ARHGAP24: variants seen among roughly 807,000 people sequenced by gnomAD.
The protein encoded by ARHGAP24 is Rho GTPase activating protein 24, also known as rho GTPase-activating protein 24.
ARHGAP24 carries 50 observed loss-of-function variants against 76.4 expected under a neutral mutation model. The ratio of observed to expected loss-of-function variants is 0.65; its 90% CI spans 0.52 to 0.83. The LOEUF (loss-of-function observed/expected upper bound fraction) is 0.83, where lower values mean the gene tolerates loss of function less well. Ranked by LOEUF, ARHGAP24 falls within the 40% of genes least tolerant of loss-of-function variation. The probability of loss-of-function intolerance (pLI) is 0.00; values close to 1 mark genes in which losing one functional copy is unlikely to be tolerated. For missense variants in ARHGAP24, 930 were observed against 914.2 expected (o/e 1.02, Z -0.22); for synonymous variants, 345 against 323.3 (o/e 1.07, Z -0.72).
At chr4:85,486,166 A>T (rs1352754941) in intron 1 of ARHGAP24, among the ~76,000 whole-genome samples, 1 of 152,190 alleles carries the variant, frequency 6.6e-6, no homozygotes, top group Admixed American at 6.5e-5. Flanking sequence ...GATAAAGTTT[A>T]GTGTGACCAT....
chr4:85,579,886 G>C (rs1176360143), intron 2 of ARHGAP24, among the ~76,000 whole-genome samples: 4 of 151,878 alleles, frequency 2.6e-5, no homozygotes, highest in Non-Finnish European at 5.9e-5. Context: ...TACACTTTTT[G>C]GTTATTATAA....
At chr4:85,791,680 G>C (rs1002124559) in intron 3 of ARHGAP24, among the ~76,000 whole-genome samples, 1 of 152,204 alleles carries the variant, frequency 6.6e-6, no homozygotes, top group African/African-American at 2.4e-5. Flanking sequence ...CACATATTGA[G>C]GTGCTTGAGT....
chr4:85,483,382 C>T (rs927665742), intron 1 of ARHGAP24, among the ~76,000 whole-genome samples: 1 of 152,048 alleles, frequency 6.6e-6, no homozygotes, highest in African/African-American at 2.4e-5. Flanking sequence ...TGCCTATAAT[C>T]CCAGCACTTT....
At chr4:85,548,145 T>G (rs1322096289) in intron 1 of ARHGAP24, among the ~76,000 whole-genome samples, 1 of 152,208 alleles carries the variant, frequency 6.6e-6, no homozygotes, top group Non-Finnish European at 1.5e-5. Flanking sequence ...TTTTTGTGCC[T>G]TTTGATACCT....
At chr4:85,531,796 A>T (rs747320559) in intron 1 of ARHGAP24, among the ~76,000 whole-genome samples, 19 of 152,094 alleles carry the variant, frequency 1.2e-4, no homozygotes, top group Non-Finnish European at 2.5e-4. Flanking sequence ...CACTTATATA[A>T]GCTAAGAAAG....
intron 2 of ARHGAP24, among the ~76,000 whole-genome samples, chr4:85,714,225 T>C (rs1724644862): frequency 6.6e-6 from 1 of 152,166 alleles, no homozygotes; most frequent in African/African-American, 2.4e-5. Context: ...GAAATTAACA[T>C]GGGGTAAAGG....
intron 2 of ARHGAP24, among the ~76,000 whole-genome samples, chr4:85,669,884 C>A (rs1722766741): frequency 6.6e-6 from 1 of 151,424 alleles, no homozygotes. Context: ...AAAATAAACC[C>A]AGCATATTGG....
chr4:85,859,461 A>G (rs1172998760), intron 3 of ARHGAP24, among the ~76,000 whole-genome samples: 3 of 152,162 alleles, frequency 2.0e-5, no homozygotes, highest in African/African-American at 7.2e-5. Context: ...ATAAAAATAA[A>G]GTCCCAAATG....
At chr4:85,538,036 AC>A (rs1483585816) in intron 1 of ARHGAP24, among the ~76,000 whole-genome samples, 1 of 151,996 alleles carries the variant, frequency 6.6e-6, no homozygotes, top group Non-Finnish European at 1.5e-5. Context: ...AAAAAAAAAA[AC>A]AATCATTGGT....
Position 85,878,385 on chromosome 4 carries a change from A to G in ARHGAP24, c.269-45263A>G, listed in dbSNP as rs555400107. ...AGAAATGTAGCCACTACAGTAGTGCAGTTCACATTTGTGTATACTATGGAA... is the reference window on the plus strand; with the variant it reads ...AGAAATGTAGCCACTACAGTAGTGCGGTTCACATTTGTGTATACTATGGAA... On this transcript the variant is annotated intron_variant, in intron 3 of 9. Coordinates refer to ENST00000395184, the MANE Select transcript of ARHGAP24 (RefSeq NM_001025616.3). Among the ~76,000 whole-genome samples, 558 of 152,302 alleles carry G rather than the reference A, an allele frequency of 3.7e-3. 3 individuals are homozygous for G. Among genetic ancestry groups the G allele is most frequent in the Non-Finnish European group, 6.6e-3 (449 of 67,998 alleles).
chr4:85,708,776 G>A (rs1724411573), intron 2 of ARHGAP24, among the ~76,000 whole-genome samples: 1 of 152,024 alleles, frequency 6.6e-6, no homozygotes, highest in Non-Finnish European at 1.5e-5. Context: ...AGCTCAAATC[G>A]CCTAAGAAAG....
intron 1 of ARHGAP24, among the ~76,000 whole-genome samples, chr4:85,522,244 T>C (rs896527628): frequency 5.9e-5 from 9 of 152,164 alleles, no homozygotes; most frequent in African/African-American, 1.7e-4. Context: ...ATTGTGAAGA[T>C]AAATATACTT....
intron 4 of ARHGAP24, chr4:85,924,614 T>C (rs919826740): frequency 1.3e-5 from 2 of 151,640 alleles, no homozygotes; most frequent in African/African-American, 4.9e-5. Flanking sequence ...CATTCTTTTG[T>C]ATATTGTCAA....
At position 85,837,892 on chromosome 4, in the gene ARHGAP24, C is replaced by T. The variant is rs540847868; in HGVS notation, c.269-85756C>T. On this transcript the variant is annotated intron_variant, in intron 3 of 9. Coordinates refer to ENST00000395184, the MANE Select transcript of ARHGAP24 (RefSeq NM_001025616.3). ...CTCGAGTCCTATAGTTTAGATTCCT[C>T]GATCGGTATTGTATTTCTGCTCTGC... 3.3e-4 allele frequency among the ~76,000 whole-genome samples: 50 copies of T among 152,250 alleles called. 2 individuals carry two copies. The South Asian group carries it at 3.9e-3, about 12-fold the overall frequency.
chr4:85,736,462 C>T (rs1054159413), intron 3 of ARHGAP24, among the ~76,000 whole-genome samples: 2 of 152,124 alleles, frequency 1.3e-5, no homozygotes, highest in South Asian at 2.1e-4. Flanking sequence ...AATCAGAAAC[C>T]CTGAGTGCTA....
chr4:85,933,072 C>A (rs1049524224), intron 4 of ARHGAP24, among the ~76,000 whole-genome samples: 4 of 152,112 alleles, frequency 2.6e-5, no homozygotes, highest in African/African-American at 9.7e-5. Flanking sequence ...AGAGTGTGTT[C>A]TTTTGTGCTT....
intron 2 of ARHGAP24, among the ~76,000 whole-genome samples, chr4:85,667,143 G>A (rs1293250174): frequency 1.3e-5 from 2 of 152,184 alleles, no homozygotes; most frequent in Non-Finnish European, 2.9e-5. Flanking sequence ...AGCTGTGGTG[G>A]GCTCCACCCA....
chr4:85,811,478 G>A (rs984309656), intron 3 of ARHGAP24, among the ~76,000 whole-genome samples: 6 of 152,072 alleles, frequency 3.9e-5, no homozygotes, highest in African/African-American at 1.4e-4. Flanking sequence ...GGGAGCTCAC[G>A]GATACCTCCC....
chr4:85,706,118 G>C (rs1018190108), intron 2 of ARHGAP24, among the ~76,000 whole-genome samples: 2 of 152,144 alleles, frequency 1.3e-5, no homozygotes, highest in Admixed American at 6.5e-5. Flanking sequence ...TCTTCCTCAA[G>C]CTGGATGAAG....
Sources: allele counts gnomAD v4.1 joint callset (sites outside exome capture counted in the v4.1 genomes callset), GRCh38; gene constraint gnomAD v4.1.1; transcripts MANE v1.5; gene names NCBI Gene and HGNC (gene_info 2026-07-23, HGNC 2026-07-21).